DMBT1: variants seen among roughly 807,000 people sequenced by gnomAD.
The protein encoded by DMBT1 is deleted in malignant brain tumors 1, also known as scavenger receptor cysteine-rich domain-containing protein DMBT1.
A neutral mutation model predicts 252.9 loss-of-function variants in DMBT1; 198 were observed. The observed-to-expected ratio is 0.78, with a 90% CI of 0.70 to 0.88. DMBT1 has a LOEUF of 0.88. DMBT1 is among the 40% of genes least tolerant of loss of function. The pLI is 0.00. For missense variants in DMBT1, 2,432 were observed against 2,404.7 expected, an observed-to-expected ratio of 1.01 and a Z score of -0.24; for synonymous variants, 990 against 942.7, an observed-to-expected ratio of 1.05 and a Z score of -0.92.
At chr10:122,567,350 G>A (rs914917457) in intron 2 of DMBT1, among the ~76,000 whole-genome samples, 1 of 152,238 alleles carries the variant, frequency 6.6e-6, no homozygotes, top group African/African-American at 2.4e-5. Context: ...TTGCTCGTAA[G>A]AGGGGCCCTT....
intron 15 of DMBT1, among the ~76,000 whole-genome samples, chr10:122,585,633 T>C (rs539338087): frequency 4.7e-5 from 7 of 148,360 alleles, no homozygotes; most frequent in Non-Finnish European, 9.0e-5. Flanking sequence ...GCTGCAGAGG[T>C]GTGAAGAGTC....
intron 6 of DMBT1, 29 bp from the exon 7 acceptor site, chr10:122,576,370 T>C (rs764002755): frequency 7.5e-6 from 12 of 1,609,696 alleles, no homozygotes; most frequent in South Asian, 2.2e-5. Context: ...AGTAGGAATG[T>C]GCAAGAGAAA....
chr10:122,631,671 A>G (rs954851936), intron 49 of DMBT1, among the ~76,000 whole-genome samples, 184 bp from the exon 50 acceptor site: 4 of 152,202 alleles, frequency 2.6e-5, no homozygotes, highest in South Asian at 4.1e-4. Context: ...CACAAGTATG[A>G]CGGGACTTAG....
rs763782900 is a variant in DMBT1 at position 122,590,672 on chromosome 10, G to C, written c.2115G>C (p.Gln705His). Residue 705 changes from glutamine (Q) to histidine (H), a missense_variant, in exon 18 of 56, where the codon CAG (glutamine) becomes CAC (histidine). Physicochemically the swap from Gln to His is conservative, Grantham distance 24 (BLOSUM62 0). Transcript: ENST00000338354. ...EDAGVICSAA[Q>H]SRSTPRPDTL... ...ACCTCCTCTTTCTCACAGCTGCCCA[G>C]TCCCGGTCGACGCCCAGGCCAGGTG... is the stretch of plus-strand genomic sequence containing the variant. 2 of 1,587,914 alleles carry C rather than the reference G, an allele frequency of 1.3e-6. No individual in the cohort carries two copies. The highest frequency in any genetic ancestry group is 1.7e-6 in the Non-Finnish European group (2 of 1,165,444).
In DMBT1 at chr10:122,586,487, A is replaced by G. The variant is rs1224597430; in HGVS notation, c.1783+104A>G. ...ACTTAGAGCTTTTTCAACTTTTCCT[A>G]TATTTCTGATACCTCCTTAGCTCTC... On this transcript the variant is annotated intron_variant, in intron 16 of 55. Transcript: ENST00000338354. 51 of 1,475,034 alleles carry G rather than the reference A, an allele frequency of 3.5e-5. 4 individuals are homozygous for G. Among genetic ancestry groups the G allele is most frequent in the Middle Eastern group, 1.9e-4 (1 of 5,304 alleles). The allele number at this position is 1,475,034 out of a possible 1,614,324, so 91.4% of individuals were successfully genotyped here.
chr10:122,593,682 T>C (rs1472745013), intron 21 of DMBT1, 84 bp downstream of exon 21: 1 of 1,420,566 alleles, frequency 7.0e-7, no homozygotes, highest in Non-Finnish European at 9.6e-7. Context: ...CTCTCCTGTT[T>C]CTCTGTGTGG....
At chr10:122,584,716 C>T (rs2097775192) in intron 14 of DMBT1, among the ~76,000 whole-genome samples, 1 of 149,168 alleles carries the variant, frequency 6.7e-6, no homozygotes, top group Non-Finnish European at 1.5e-5. Context: ...AAGCCAATGT[C>T]AGCTAAAGCC....
chr10:122,642,128 C>T (rs1844654728), intron 55 of DMBT1, among the ~76,000 whole-genome samples: 1 of 151,944 alleles, frequency 6.6e-6, no homozygotes, highest in Non-Finnish European at 1.5e-5. Flanking sequence ...TCTGAACAAG[C>T]CTCTGGCTAT....
Position 122,643,676 on chromosome 10 carries a change from ATACT to A in DMBT1, c.*284_*287del, listed in dbSNP as rs1159406155. 3 of 493,534 alleles carry A rather than the reference ATACT, an allele frequency of 6.1e-6. No individual in the cohort carries two copies. The highest frequency in any genetic ancestry group is 1.1e-5 in the Non-Finnish European group (3 of 273,602). 30.6% of individuals were successfully genotyped at this position (493,534 alleles called of 1,614,324 possible). On this transcript the variant is annotated 3_prime_UTR_variant, in exon 56 of 56. Transcript: ENST00000338354. Reference sequence around the variant, plus strand: ...TCTCATCTGCAAAATGAAAATGTCAATACTTACTTCTTAGCACTGTTGAGAGGGT... The same window carrying A: ...TCTCATCTGCAAAATGAAAATGTCAATACTTCTTAGCACTGTTGAGAGGGT...
chr10:122,562,046 T>C (rs1001438833), intron 1 of DMBT1, among the ~76,000 whole-genome samples: 1 of 151,764 alleles, frequency 6.6e-6, no homozygotes, highest in East Asian at 1.9e-4. Flanking sequence ...TTTCTCATCA[T>C]CTATTGGGCA....
At chr10:122,584,746 T>G (rs12779313) in intron 14 of DMBT1, among the ~76,000 whole-genome samples, 5 of 148,942 alleles carry the variant, frequency 3.4e-5, no homozygotes, top group African/African-American at 7.3e-5. Flanking sequence ...GCTGCCGCCA[T>G]GGGCAAGCAA....
chr10:122,621,395 C>G lies in DMBT1; in HGVS notation c.5608+15C>G. On this transcript the variant is annotated intron_variant, in intron 44 of 55. Transcript: ENST00000338354. ...CATCTGCTCAGGTGGGCCTTCAAGA[C>G]CTGGGGCTCCCTCTCTTGGGGTGGA... is the stretch of plus-strand genomic sequence containing the variant. The G allele has an allele frequency of 6.2e-7, 1 of 1,613,806 alleles. No individual in the cohort carries two copies. Among genetic ancestry groups the G allele is most frequent in the Non-Finnish European group, 8.5e-7 (1 of 1,179,740 alleles).
rs568802335 is a variant in DMBT1 at position 122,568,235 on chromosome 10, G to A, written c.92-1927G>A. 2.6e-5 allele frequency among the ~76,000 whole-genome samples: 4 copies of A among 152,270 alleles called. No individual in the cohort carries two copies. The East Asian group carries it at 5.8e-4, about 22-fold the overall frequency. ...GCATGATGACATCCTTAATTCAAAC[G>A]GAGGGAAGAGGCTGTGTTGAGTTTG... On this transcript the variant is annotated intron_variant, in intron 2 of 55. Coordinates refer to ENST00000338354, the MANE Select transcript of DMBT1 (RefSeq NM_001377530.1).
intron 6 of DMBT1, among the ~76,000 whole-genome samples, chr10:122,575,024 G>A (rs80321097): frequency 0.039 from 5,936 of 152,290 alleles, 335 homozygotes; most frequent in African/African-American, 0.12. Flanking sequence ...CCAGCACTCA[G>A]TCAGCTCCTG....
At chr10:122,598,650 T>C (rs1378557266) in intron 25 of DMBT1, 124 bp from the exon 26 acceptor site, 2 of 1,547,052 alleles carry the variant, frequency 1.3e-6, no homozygotes, top group Non-Finnish European at 1.7e-6. Context: ...ATTTTATTCA[T>C]ATTCAAAGGT....
intron 1 of DMBT1, among the ~76,000 whole-genome samples, chr10:122,561,147 T>G (rs1484806494): frequency 6.6e-6 from 1 of 152,248 alleles, no homozygotes; most frequent in Admixed American, 6.5e-5. Flanking sequence ...ATGTGTATTA[T>G]TAAGAGGCCC....
rs770014411 is a variant in DMBT1, at chr10:122,634,360, C to CTTTCTTTCTTTCTT, written c.6548+1021_6548+1034dup. Among the ~76,000 whole-genome samples, 182 of 105,792 alleles carry CTTTCTTTCTTTCTT rather than the reference C, an allele frequency of 1.7e-3. 1 individual carries two copies. The highest frequency in any genetic ancestry group is 3.0e-3 in the Admixed American group (31 of 10,368). 69.4% of individuals were successfully genotyped at this position (105,792 alleles called of 152,430 possible). On this transcript the variant is annotated intron_variant, in intron 52 of 55. Transcript: ENST00000338354. ...AGCACTTTTCTTTCTTTCTTTCTTT[C>CTTTCTTTCTTTCTT]TTTCTTTCTTTCTTTCTTTCTTTCT...
At chr10:122,621,721 G>A (rs1442028833) in intron 44 of DMBT1, among the ~76,000 whole-genome samples, 1 of 152,204 alleles carries the variant, frequency 6.6e-6, no homozygotes, top group Non-Finnish European at 1.5e-5. Flanking sequence ...CACAGACAGC[G>A]GGGCAGAGGA....
intron 9 of DMBT1, among the ~76,000 whole-genome samples, chr10:122,578,990 T>G (rs892818141): frequency 6.6e-6 from 1 of 152,082 alleles, no homozygotes; most frequent in Non-Finnish European, 1.5e-5. Flanking sequence ...AGGATGAGGC[T>G]CAAGGTGGGC....
Sources: allele counts gnomAD v4.1 joint callset (sites outside exome capture counted in the v4.1 genomes callset), GRCh38; gene constraint gnomAD v4.1.1; transcripts MANE v1.5; gene names NCBI Gene and HGNC (gene_info 2026-07-23, HGNC 2026-07-21).